UNC79: variants seen among roughly 807,000 people sequenced by gnomAD.
UNC79 encodes the protein unc-79 subunit of NALCN channel complex.
Under a neutral mutation model 283.1 loss-of-function variants are expected in UNC79, and 37 were observed. That is an observed-to-expected ratio of 0.13 (90% CI 0.10 to 0.17). The LOEUF (loss-of-function observed/expected upper bound fraction) is 0.17, where lower values mean the gene tolerates loss of function less well. Among genes scored for constraint, UNC79 ranks in the 10% least tolerant of loss-of-function variants. The pLI is 1.00. For missense variants in UNC79, 2,272 were observed against 3,211.1 expected (o/e 0.71, Z 7.07); for synonymous variants, 1,107 against 1,200.2 (o/e 0.92, Z 1.61).
At chr14:93,540,542 A>G in intron 12 of UNC79, 118 bp from the exon 13 acceptor site, 5 of 1,153,268 alleles carry the variant, frequency 4.3e-6, no homozygotes, top group Non-Finnish European at 4.8e-6. Flanking sequence ...ACAGTACTCA[A>G]TTTAAAGAAG....
intron 1 of UNC79, among the ~76,000 whole-genome samples, chr14:93,391,613 G>A (rs570348843): frequency 1.2e-4 from 18 of 152,074 alleles, no homozygotes; most frequent in African/African-American, 4.1e-4. Flanking sequence ...TTCTTTTTTT[G>A]AGACAGAGTC....
intron 1 of UNC79, chr14:93,348,369 T>G (rs2053912495): frequency 4.8e-6 from 2 of 419,146 alleles, no homozygotes; most frequent in African/African-American, 4.1e-5. Flanking sequence ...TGTGTGCAGA[T>G]TATTTTCTAA....
chr14:93,659,303 T>G, intron 39 of UNC79, 42 bp downstream of exon 42: 2 of 1,496,166 alleles, frequency 1.3e-6, no homozygotes, highest in South Asian at 1.2e-5. Context: ...GGTTAGTCAG[T>G]TTTTTTTAAC....
At chr14:93,614,823 T>C (rs1455552260) in intron 27 of UNC79, among the ~76,000 whole-genome samples, 1 of 152,138 alleles carries the variant, frequency 6.6e-6, no homozygotes, top group Non-Finnish European at 1.5e-5. Flanking sequence ...CCCCTAGTTA[T>C]GGACTCATAT....
intron 19 of UNC79, among the ~76,000 whole-genome samples, chr14:93,581,175 TTTATTA>T (rs1306138848): frequency 6.6e-6 from 1 of 151,906 alleles, no homozygotes; most frequent in Non-Finnish European, 1.5e-5. Context: ...AAAAAAATTA[TTTATTA>T]TTATTATTGT....
intron 35 of UNC79, among the ~76,000 whole-genome samples, chr14:93,652,759 A>G (rs955457378): frequency 6.6e-6 from 1 of 152,140 alleles, no homozygotes; most frequent in Non-Finnish European, 1.5e-5. Flanking sequence ...CTATAGCTGG[A>G]TTCAGTGGCC....
intron 5 of UNC79, among the ~76,000 whole-genome samples, chr14:93,491,344 T>A (rs568236279): frequency 3.3e-5 from 5 of 151,988 alleles, no homozygotes; most frequent in African/African-American, 1.2e-4. Flanking sequence ...TATATATCTG[T>A]CTGGCTTAAA....
At chr14:93,370,600 G>A (rs747361654) in intron 1 of UNC79, among the ~76,000 whole-genome samples, 19 of 151,722 alleles carry the variant, frequency 1.3e-4, no homozygotes, top group Non-Finnish European at 1.9e-4. Flanking sequence ...GTGAAACCCC[G>A]TCTCTACTAA....
chr14:93,448,560 T>C (rs1213047688), intron 1 of UNC79, among the ~76,000 whole-genome samples: 1 of 152,222 alleles, frequency 6.6e-6, no homozygotes. Context: ...TTCTTGGTTC[T>C]TCTTATGTTG....
intron 5 of UNC79, among the ~76,000 whole-genome samples, chr14:93,493,999 G>T (rs1256560070): frequency 6.8e-6 from 1 of 146,120 alleles, no homozygotes; most frequent in East Asian, 2.0e-4. Context: ...CGCCTCCCAG[G>T]TTCAAGCAAT....
intron 1 of UNC79, among the ~76,000 whole-genome samples, chr14:93,396,226 TTC>T (rs556626090): frequency 3.6e-4 from 55 of 152,186 alleles, no homozygotes; most frequent in Middle Eastern, 3.4e-3. Context: ...TCCAGAATTT[TTC>T]TCTTTGTTTT....
intron 23 of UNC79, among the ~76,000 whole-genome samples, chr14:93,595,017 G>T (rs1283065385): frequency 6.6e-6 from 1 of 151,776 alleles, no homozygotes; most frequent in Non-Finnish European, 1.5e-5. Context: ...ATCATGTTGT[G>T]GAGGGTTAGG....
chr14:93,456,887 C>T (rs538231963), intron 1 of UNC79, among the ~76,000 whole-genome samples: 104 of 152,302 alleles, frequency 6.8e-4, no homozygotes, highest in African/African-American at 2.5e-3. Flanking sequence ...TGATCTCACT[C>T]CATCCTTGAA....
At chr14:93,347,209 G>GT in intron 1 of UNC79, 1 of 1,513,630 alleles carries the variant, frequency 6.6e-7, no homozygotes, top group Non-Finnish European at 8.9e-7. Flanking sequence ...TGGAGCTTGC[G>GT]TTACTTGGCC....
chr14:93,641,277 T>C lies in UNC79; in HGVS notation c.5903+30T>C, dbSNP rs770185166. The C allele has an allele frequency of 8.8e-5, 140 of 1,590,280 alleles. No homozygotes were observed. In the South Asian group the frequency reaches 1.5e-3, roughly 17 times the overall value. On this transcript the variant is annotated intron_variant, in intron 33 of 48. Coordinates refer to ENST00000555664, the Ensembl canonical transcript of UNC79. ...GCTCGCACAGTTATTTTCTTCACCA[T>C]GTTTACAGAATTTAAGTTTGGTTAC...
intron 1 of UNC79, among the ~76,000 whole-genome samples, chr14:93,369,693 G>A (rs748005017): frequency 1.3e-5 from 2 of 152,200 alleles, no homozygotes; most frequent in Non-Finnish European, 2.9e-5. Flanking sequence ...AGGCAGGTCG[G>A]CCTGGTTAGC....
At chr14:93,355,190 C>T (rs570910627) in intron 1 of UNC79, among the ~76,000 whole-genome samples, 13 of 152,118 alleles carry the variant, frequency 8.5e-5, no homozygotes, top group East Asian at 5.8e-4. Context: ...CCACCATGCC[C>T]GGCTAGTTTT....
intron 47 of UNC79, among the ~76,000 whole-genome samples, chr14:93,696,198 T>G (rs888038423): frequency 6.6e-6 from 1 of 152,206 alleles, no homozygotes; most frequent in African/African-American, 2.4e-5. Flanking sequence ...ACATTTTCCT[T>G]ATTCATTTAT....
intron 1 of UNC79, among the ~76,000 whole-genome samples, chr14:93,460,609 A>G (rs1028393369): frequency 6.6e-6 from 1 of 152,178 alleles, no homozygotes; most frequent in East Asian, 1.9e-4. Context: ...TGGTATGTAA[A>G]CAGTTACTGT....
Sources: allele counts gnomAD v4.1 joint callset (sites outside exome capture counted in the v4.1 genomes callset), GRCh38; gene constraint gnomAD v4.1.1; transcripts MANE v1.5; gene names NCBI Gene and HGNC (gene_info 2026-07-23, HGNC 2026-07-21).